PRKN: variants seen among roughly 807,000 people sequenced by gnomAD.
The protein encoded by PRKN is E3 ubiquitin-protein ligase parkin.
A neutral mutation model predicts 59.5 loss-of-function variants in PRKN; 56 were observed. That is an observed-to-expected ratio of 0.94 (90% CI 0.76 to 1.18). The LOEUF (loss-of-function observed/expected upper bound fraction) is 1.18. Ranked by LOEUF, PRKN falls within the 50% of genes most tolerant of loss-of-function variation. PRKN has a pLI of 0.00. For synonymous variants in PRKN, 250 were observed against 222.1 expected (o/e 1.13, Z -1.12); for missense variants, 657 against 596.4 (o/e 1.10, Z -1.06).
At chr6:161,830,241 GT>G (rs1005464639) in intron 6 of PRKN, among the ~76,000 whole-genome samples, 2 of 149,562 alleles carry the variant, frequency 1.3e-5, no homozygotes, top group Non-Finnish European at 3.0e-5. Flanking sequence ...GGTTACCTTT[GT>G]TTTTTTTGTT....
At chr6:162,191,408 T>C (rs1401881539) in intron 4 of PRKN, among the ~76,000 whole-genome samples, 1 of 152,200 alleles carries the variant, frequency 6.6e-6, no homozygotes, top group Non-Finnish European at 1.5e-5. Context: ...TTAGGAGGCT[T>C]CTAAGAATTA....
rs927991573 is a variant in PRKN, at chr6:162,164,594, A to G, written c.534+36537T>C. Among the ~76,000 whole-genome samples the G allele has an allele frequency of 6.7e-5, 10 of 149,010 alleles. 1 individual carries two copies. The highest frequency in any genetic ancestry group is 2.5e-4 in the African/African-American group (10 of 39,588). ...CTATATGTTACTGTGGAATTTTCCT[A>G]TATAACAAAAGAAACTTCTAAGAAC... On this transcript the variant is annotated intron_variant, in intron 4 of 11. Coordinates refer to ENST00000366898, the MANE Select transcript of PRKN (RefSeq NM_004562.3).
intron 7 of PRKN, among the ~76,000 whole-genome samples, chr6:161,747,916 C>T (rs149829563): frequency 0.012 from 1,846 of 152,306 alleles, 23 homozygotes; most frequent in South Asian, 0.022. Context: ...ACATCGCCAT[C>T]TTTAACTACT....
intron 7 of PRKN, among the ~76,000 whole-genome samples, chr6:161,644,664 G>A (rs1280216562): frequency 3.9e-5 from 6 of 152,184 alleles, no homozygotes; most frequent in Non-Finnish European, 7.3e-5. Flanking sequence ...TTTTGGCTAA[G>A]CCAGGGAAAT....
At chr6:161,616,625 C>G (rs1264228174) in intron 7 of PRKN, among the ~76,000 whole-genome samples, 2 of 152,012 alleles carry the variant, frequency 1.3e-5, no homozygotes, top group African/African-American at 2.4e-5. Flanking sequence ...TATGTTCTCA[C>G]TGTTCAACTC....
At chr6:161,412,591 T>C (rs1310006544) in intron 9 of PRKN, among the ~76,000 whole-genome samples, 2 of 147,500 alleles carry the variant, frequency 1.4e-5, no homozygotes, top group African/African-American at 2.6e-5. Flanking sequence ...CTCCGCTCAC[T>C]CAGTCCTTTC....
chr6:161,800,778 A>G (rs1278258177), intron 6 of PRKN, among the ~76,000 whole-genome samples: 1 of 152,256 alleles, frequency 6.6e-6, no homozygotes, highest in African/African-American at 2.4e-5. Context: ...TCAGAGACTC[A>G]TTAACCAGAG....
Position 162,053,974 on chromosome 6 carries a change from C to A in PRKN, c.618+117G>T, listed in dbSNP as rs948276740. On this transcript the variant is annotated intron_variant, in intron 5 of 11. Coordinates refer to ENST00000366898, the MANE Select transcript of PRKN (RefSeq NM_004562.3). Reference sequence around the variant, plus strand: ...TATTTAAATATCATAACACTTTTGGCAAACATTATTAGATGGAAGAACAGT... The same window carrying A: ...TATTTAAATATCATAACACTTTTGGAAAACATTATTAGATGGAAGAACAGT... The A allele has an allele frequency of 9.8e-6, 8 of 815,378 alleles. No individual in the cohort carries two copies. In the African/African-American group the frequency reaches 1.2e-4, roughly 12 times the overall value. The allele number at this position is 815,378 out of a possible 1,614,324, so 50.5% of individuals were successfully genotyped here. A position where few individuals can be genotyped will look rare whatever the true frequency, so the allele number is the denominator to read the frequency against.
At chr6:161,656,581 T>C (rs1784360215) in intron 7 of PRKN, among the ~76,000 whole-genome samples, 1 of 152,144 alleles carries the variant, frequency 6.6e-6, no homozygotes, top group Non-Finnish European at 1.5e-5. Flanking sequence ...CTAAATCCAA[T>C]GAAACGTTTC....
chr6:162,196,327 G>A (rs1784497147), intron 4 of PRKN, among the ~76,000 whole-genome samples: 1 of 152,060 alleles, frequency 6.6e-6, no homozygotes, highest in Non-Finnish European at 1.5e-5. Flanking sequence ...GATATAAATT[G>A]GTGCTAGGGA....
intron 1 of PRKN, among the ~76,000 whole-genome samples, chr6:162,499,680 C>T (rs73608425): frequency 0.018 from 2,685 of 152,218 alleles, 74 homozygotes; most frequent in African/African-American, 0.062. Context: ...GGTGGTTGTC[C>T]AAAGCATTCC....
intron 1 of PRKN, among the ~76,000 whole-genome samples, chr6:162,708,010 C>G (rs1490222926): frequency 6.6e-6 from 1 of 152,194 alleles, no homozygotes; most frequent in African/African-American, 2.4e-5. Context: ...TCTGCCACCA[C>G]TGGATTTTCA....
intron 1 of PRKN, among the ~76,000 whole-genome samples, chr6:162,467,029 C>G (rs1485004476): frequency 6.6e-6 from 1 of 152,126 alleles, no homozygotes; most frequent in African/African-American, 2.4e-5. Flanking sequence ...CTGAGCCCAA[C>G]TATTATGATT....
At chr6:161,610,634 G>C (rs927708492) in intron 7 of PRKN, among the ~76,000 whole-genome samples, 10 of 151,884 alleles carry the variant, frequency 6.6e-5, no homozygotes, top group Non-Finnish European at 1.5e-4. Context: ...TGTGTTGCTT[G>C]ATATTGGGTG....
rs1786716103 is a variant in PRKN at position 161,395,524 on chromosome 6, G to A, written c.1084-8647C>T. Among the ~76,000 whole-genome samples, 1 of 152,180 alleles carries A rather than the reference G, an allele frequency of 6.6e-6. No homozygotes were observed. Among genetic ancestry groups the A allele is most frequent in the South Asian group, 2.1e-4 (1 of 4,828 alleles). On this transcript the variant is annotated intron_variant, in intron 9 of 11. Coordinates refer to ENST00000366898, the MANE Select transcript of PRKN (RefSeq NM_004562.3). The surrounding 1 kb of genome is among the most constrained non-coding windows in gnomAD (Gnocchi z 5.0). ...AAATAGCTGGGTCCAAGGGCATATG[G>A]ACTTTCCATTTTGATTGCTTTCGCG... is the stretch of plus-strand genomic sequence containing the variant.
chr6:162,186,427 T>C (rs1261230374), intron 4 of PRKN, among the ~76,000 whole-genome samples: 1 of 151,238 alleles, frequency 6.6e-6, no homozygotes, highest in Non-Finnish European at 1.5e-5. Flanking sequence ...TATAGATTGG[T>C]TTGTTGGAGT....
intron 2 of PRKN, among the ~76,000 whole-genome samples, chr6:162,274,487 G>A (rs1235527696): frequency 1.3e-5 from 2 of 151,940 alleles, no homozygotes; most frequent in Non-Finnish European, 2.9e-5. Flanking sequence ...TGTGCCTGGC[G>A]TTCAATGTTT....
intron 4 of PRKN, among the ~76,000 whole-genome samples, chr6:162,141,149 A>C (rs1481098173): frequency 6.9e-6 from 1 of 145,550 alleles, no homozygotes; most frequent in Non-Finnish European, 1.5e-5. Flanking sequence ...TAAATAAATA[A>C]ATAAAAATAA....
chr6:162,243,889 C>T (rs933345242), intron 3 of PRKN, among the ~76,000 whole-genome samples: 4 of 152,114 alleles, frequency 2.6e-5, no homozygotes, highest in Admixed American at 1.3e-4. Context: ...ATGTAATTCA[C>T]GAATATATGG....
Sources: gnomAD v4.1 joint callset for allele counts (sites outside exome capture counted in the v4.1 genomes callset) on GRCh38, gnomAD v4.1.1 for gene constraint, Gnocchi (gnomAD v3.1) non-coding constraint, MANE v1.5 for transcripts, NCBI Gene and HGNC (gene_info 2026-07-23, HGNC 2026-07-21) for gene names.